The following ERBB4 variants were observed in gnomAD, a reference collection of about 807,000 sequenced individuals.
ERBB4 encodes receptor tyrosine-protein kinase erbB-4.
A neutral mutation model predicts 158.0 loss-of-function variants in ERBB4; 42 were observed. The observed-to-expected ratio is 0.27, with a 90% CI of 0.21 to 0.34. The LOEUF (loss-of-function observed/expected upper bound fraction) is 0.34. ERBB4 is among the 10% of genes least tolerant of loss of function. The pLI is 1.00. For missense variants in ERBB4, 1,333 were observed against 1,624.1 expected (o/e 0.82, Z 3.08); for synonymous variants, 583 against 558.7 (o/e 1.04, Z -0.61).
chr2:211,482,014 G>A (rs4321317), intron 20 of ERBB4, among the ~76,000 whole-genome samples: 98,308 of 151,936 alleles, frequency 0.65, 34,006 homozygotes, highest in South Asian at 0.78. Context: ...CACAGTGCAA[G>A]GAGAGGGAAT....
chr2:212,192,203 T>G (rs1474084079), intron 1 of ERBB4, among the ~76,000 whole-genome samples: 1 of 147,430 alleles, frequency 6.8e-6, no homozygotes, highest in Non-Finnish European at 1.5e-5. Flanking sequence ...ATATATATAT[T>G]CTTTTTTATT....
intron 1 of ERBB4, among the ~76,000 whole-genome samples, chr2:212,521,680 A>G (rs1331294978): frequency 6.6e-6 from 1 of 151,876 alleles, no homozygotes; most frequent in Non-Finnish European, 1.5e-5. Context: ...TTTAACCTTC[A>G]CAACTATGAG....
chr2:211,959,352 A>G (rs565526981), intron 2 of ERBB4, among the ~76,000 whole-genome samples: 12 of 152,270 alleles, frequency 7.9e-5, no homozygotes, highest in Non-Finnish European at 1.8e-4. Context: ...AAGATTTACA[A>G]TAACTTGCAA....
intron 3 of ERBB4, among the ~76,000 whole-genome samples, chr2:211,843,172 A>G (rs1044756558): frequency 1.3e-5 from 2 of 152,150 alleles, no homozygotes; most frequent in Non-Finnish European, 2.9e-5. Flanking sequence ...TGTTTTGAAT[A>G]TATGTTTTTA....
chr2:211,836,163 G>A (rs753948118), intron 3 of ERBB4, among the ~76,000 whole-genome samples: 30 of 152,032 alleles, frequency 2.0e-4, no homozygotes, highest in African/African-American at 6.3e-4. Flanking sequence ...GTGAGTTAAC[G>A]ATGGAAAAAT....
At chr2:211,410,028 AC>A (rs1271296938) in intron 25 of ERBB4, among the ~76,000 whole-genome samples, 2 of 152,166 alleles carry the variant, frequency 1.3e-5, no homozygotes, top group Non-Finnish European at 2.9e-5. Context: ...AGGACAAACC[AC>A]ACTGGTTGTA....
intron 14 of ERBB4, among the ~76,000 whole-genome samples, chr2:211,669,786 GA>G (rs1161598880): frequency 2.0e-5 from 3 of 152,058 alleles, no homozygotes; most frequent in African/African-American, 7.2e-5. Context: ...TTTCCTGGGG[GA>G]CAAAAAACTG....
Position 211,383,503 on chromosome 2 carries a change from G to GGAAGT in ERBB4, c.*107_*111dup. ...CATTGCATCTCTGTATCTTCCACTG[G>GGAAGT]GAAGTGTCAAAACTACTGGCCTTGG... On this transcript the variant is annotated 3_prime_UTR_variant, in exon 28 of 28. Transcript: ENST00000342788. The GGAAGT allele has an allele frequency of 1.2e-6, 1 of 814,654 alleles. No individual in the cohort carries two copies. Among genetic ancestry groups the GGAAGT allele is most frequent in the Non-Finnish European group, 2.1e-6 (1 of 472,886 alleles). The allele number at this position is 814,654 out of a possible 1,614,324, so 50.5% of individuals were successfully genotyped here.
chr2:212,253,797 G>C (rs918405938), intron 1 of ERBB4, among the ~76,000 whole-genome samples: 2 of 152,100 alleles, frequency 1.3e-5, no homozygotes, highest in African/African-American at 2.4e-5. Context: ...AAAATGTATC[G>C]TTAGGCATTT....
chr2:212,486,140 T>A (rs1202012429), intron 1 of ERBB4, among the ~76,000 whole-genome samples: 1 of 150,774 alleles, frequency 6.6e-6, no homozygotes, highest in East Asian at 1.9e-4. Context: ...AAAGCAAATA[T>A]TAAGAAAAAA....
At chr2:211,889,750 G>T (rs558547744) in intron 3 of ERBB4, among the ~76,000 whole-genome samples, 1 of 151,356 alleles carries the variant, frequency 6.6e-6, no homozygotes, top group African/African-American at 2.4e-5. Context: ...CGAGAACTAC[G>T]TGAAGAATGC....
chr2:211,430,808 A>G, intron 21 of ERBB4, 137 bp downstream of exon 21: 1 of 735,840 alleles, frequency 1.4e-6, no homozygotes, highest in Non-Finnish European at 2.4e-6. Context: ...CCGGGGCAGG[A>G]GAAGAGGCAA....
At chr2:211,806,422 C>T (rs988566052) in intron 3 of ERBB4, among the ~76,000 whole-genome samples, 1 of 152,044 alleles carries the variant, frequency 6.6e-6, no homozygotes, top group African/African-American at 2.4e-5. Flanking sequence ...TAGAAGGAGA[C>T]ATTTTGATAT....
intron 1 of ERBB4, among the ~76,000 whole-genome samples, chr2:212,206,533 G>T (rs542339229): frequency 1.5e-4 from 23 of 150,740 alleles, no homozygotes; most frequent in African/African-American, 5.4e-4. Flanking sequence ...GGATAGCTTA[G>T]GTCTAATGAC....
chr2:211,996,746 C>G (rs989771763), intron 2 of ERBB4, among the ~76,000 whole-genome samples: 1 of 152,152 alleles, frequency 6.6e-6, no homozygotes, highest in Non-Finnish European at 1.5e-5. Context: ...GAATTCTTCA[C>G]AAGTTTGGTT....
chr2:212,440,663 T>C (rs925987518), intron 1 of ERBB4, among the ~76,000 whole-genome samples: 8 of 152,300 alleles, frequency 5.3e-5, no homozygotes, highest in Admixed American at 1.3e-4. Context: ...CAAAATGCTA[T>C]GGAATCTCCT....
chr2:212,257,327 A>G (rs11886750), intron 1 of ERBB4, among the ~76,000 whole-genome samples: 1,940 of 152,236 alleles, frequency 0.013, 30 homozygotes, highest in African/African-American at 0.044. Context: ...AATGTTTTCT[A>G]TGTTTTGTAA....
chr2:212,205,065 G>A (rs751445951), intron 1 of ERBB4, among the ~76,000 whole-genome samples: 44 of 151,808 alleles, frequency 2.9e-4, no homozygotes, highest in South Asian at 6.2e-4. Flanking sequence ...TGATCAACCC[G>A]CCTCGGCCTC....
intron 20 of ERBB4, among the ~76,000 whole-genome samples, chr2:211,561,409 G>A (rs1449023399): frequency 6.6e-6 from 1 of 152,088 alleles, no homozygotes; most frequent in Non-Finnish European, 1.5e-5. Context: ...CTAAGCCTTT[G>A]TGTAAGACTA....
Sources: allele counts gnomAD v4.1 joint callset (sites outside exome capture counted in the v4.1 genomes callset), GRCh38; gene constraint gnomAD v4.1.1; transcripts MANE v1.5; gene names NCBI Gene and HGNC (gene_info 2026-07-23, HGNC 2026-07-21).